Variants in PPFIBP1 observed in about 807,000 individuals in gnomAD.
PPFIBP1 encodes liprin-beta-1.
Under a neutral mutation model 137.8 loss-of-function variants are expected in PPFIBP1, and 112 were observed. The ratio of observed to expected loss-of-function variants is 0.81; its 90% CI spans 0.70 to 0.95. The LOEUF (loss-of-function observed/expected upper bound fraction) is 0.95, where lower values mean the gene tolerates loss of function less well. Among genes scored for constraint, PPFIBP1 ranks in the 40% least tolerant of loss-of-function variants. The pLI is 0.00. For synonymous variants in PPFIBP1, 378 were observed against 417.3 expected, an observed-to-expected ratio of 0.91 and a Z score of 1.15; for missense variants, 1,083 against 1,196.6, an observed-to-expected ratio of 0.91 and a Z score of 1.40.
At chr12:27,689,282 C>T in intron 27 of PPFIBP1, 79 bp downstream of exon 27, 8 of 1,385,628 alleles carry the variant, frequency 5.8e-6, no homozygotes, top group Non-Finnish European at 7.7e-6. Context: ...ATTCTGTTTT[C>T]TGGGGTTTAC....
chr12:27,551,332 G>A (rs536702201), intron 1 of PPFIBP1, among the ~76,000 whole-genome samples: 3 of 152,224 alleles, frequency 2.0e-5, no homozygotes, highest in African/African-American at 4.8e-5. Flanking sequence ...GCAGGCCACC[G>A]TGCTGCTAAA....
chr12:27,575,749 AT>A (rs1449796290), intron 1 of PPFIBP1, among the ~76,000 whole-genome samples: 1 of 151,968 alleles, frequency 6.6e-6, no homozygotes, highest in African/African-American at 2.4e-5. Context: ...ATGGGTTTGG[AT>A]TTTTTTATGG....
At chr12:27,649,763 C>T (rs1243331038) in intron 6 of PPFIBP1, among the ~76,000 whole-genome samples, 2 of 152,148 alleles carry the variant, frequency 1.3e-5, no homozygotes, top group Non-Finnish European at 2.9e-5. Flanking sequence ...ACTGTCCAGG[C>T]TGGTTCTCAA....
In PPFIBP1 at chr12:27,685,217, G is replaced by GTA. The variant is rs113468240; in HGVS notation, c.2248-2155_2248-2154dup. Among the ~76,000 whole-genome samples the GTA allele has an allele frequency of 3.0e-3, 444 of 149,896 alleles. 2 individuals are homozygous for GTA. Among genetic ancestry groups the GTA allele is most frequent in the African/African-American group, 8.6e-3 (351 of 40,942 alleles). On this transcript the variant is annotated intron_variant, in intron 24 of 29. Coordinates refer to ENST00000228425, the MANE Select transcript of PPFIBP1 (RefSeq NM_003622.4). ...GTAATACTGTAGATACATAGAGTAT[G>GTA]TATATATATATATACACACACATAC...
intron 7 of PPFIBP1, among the ~76,000 whole-genome samples, chr12:27,653,337 A>G (rs889086421): frequency 3.9e-5 from 6 of 152,056 alleles, no homozygotes; most frequent in African/African-American, 1.4e-4. Flanking sequence ...TGTAATCCCA[A>G]CACTTAGGGA....
intron 2 of PPFIBP1, among the ~76,000 whole-genome samples, chr12:27,606,551 A>G (rs1386451897): frequency 6.6e-6 from 1 of 152,258 alleles, no homozygotes; most frequent in African/African-American, 2.4e-5. Flanking sequence ...TTAACAACTT[A>G]CAAATGAATA....
chr12:27,634,849 G>C, intron 3 of PPFIBP1, 61 bp from the exon 4 acceptor site: 3 of 1,448,574 alleles, frequency 2.1e-6, no homozygotes, highest in Non-Finnish European at 2.9e-6. Context: ...ACCGCCTTCG[G>C]CTTTGGTATT....
intron 1 of PPFIBP1, among the ~76,000 whole-genome samples, chr12:27,568,936 C>A (rs996688182): frequency 6.6e-6 from 1 of 152,152 alleles, no homozygotes; most frequent in African/African-American, 2.4e-5. Context: ...TATTTTATGT[C>A]TTCTGAATTC....
At chr12:27,684,066 C>T (rs1442422564) in intron 24 of PPFIBP1, among the ~76,000 whole-genome samples, 3 of 151,916 alleles carry the variant, frequency 2.0e-5, no homozygotes, top group Non-Finnish European at 4.4e-5. Context: ...GGATTACAGG[C>T]GTGAGCCACC....
rs1192167670 is a variant in PPFIBP1 at position 27,542,034 on chromosome 12, C to T, written c.-124+17669C>T. On this transcript the variant is annotated intron_variant, in intron 1 of 29. Transcript: ENST00000228425. Reference sequence around the variant, plus strand: ...CTTTGTTACTTACCCATCCTGAACCCTGGTTTTCTCATCTGTGAAATGGAA... The same window carrying T: ...CTTTGTTACTTACCCATCCTGAACCTTGGTTTTCTCATCTGTGAAATGGAA... Among the ~76,000 whole-genome samples, 3 of 152,110 alleles carry T rather than the reference C, an allele frequency of 2.0e-5. No homozygotes were observed. The East Asian group carries it at 5.8e-4, about 29-fold the overall frequency.
rs966198297 is a variant in PPFIBP1, at chr12:27,635,308, G to T, written c.270+193G>T. 4.4e-5 allele frequency: 27 copies of T among 620,584 alleles called. No individual in the cohort carries two copies. The African/African-American group carries it at 4.4e-4, about 10-fold the overall frequency. 38.4% of individuals were successfully genotyped at this position (620,584 alleles called of 1,614,324 possible). A position where few individuals can be genotyped will look rare whatever the true frequency, so the allele number is the denominator to read the frequency against. The stretch of plus-strand genomic sequence containing the variant: ...AAAAAGTGCTATTAGTGTACATTTT[G>T]TAAATACCAACAACAGGTCACCTGA... On this transcript the variant is annotated intron_variant, in intron 4 of 29. Coordinates refer to ENST00000228425, the MANE Select transcript of PPFIBP1 (RefSeq NM_003622.4).
chr12:27,526,443 A>G (rs1046124130), intron 1 of PPFIBP1, among the ~76,000 whole-genome samples: 1 of 151,946 alleles, frequency 6.6e-6, no homozygotes, highest in Admixed American at 6.6e-5. Flanking sequence ...GAAAACACGG[A>G]ATACTTAAAA....
At chr12:27,639,291 A>T (rs921656349) in intron 4 of PPFIBP1, among the ~76,000 whole-genome samples, 10 of 152,388 alleles carry the variant, frequency 6.6e-5, no homozygotes, top group African/African-American at 2.4e-4. Context: ...TATGAAATAT[A>T]ATGTGTTAAC....
At chr12:27,603,259 CT>C (rs2054182986) in intron 2 of PPFIBP1, among the ~76,000 whole-genome samples, 1 of 152,146 alleles carries the variant, frequency 6.6e-6, no homozygotes, top group Non-Finnish European at 1.5e-5. Flanking sequence ...TTTAACCTGG[CT>C]TTGCTGCATC....
At chr12:27,652,506 T>C (rs564623053) in intron 7 of PPFIBP1, among the ~76,000 whole-genome samples, 12 of 152,378 alleles carry the variant, frequency 7.9e-5, no homozygotes, top group African/African-American at 2.4e-4. Context: ...ATTCTGTTTT[T>C]TAAAGTTTTA....
chr12:27,635,839 A>G (rs1404310461), intron 4 of PPFIBP1: 1 of 152,244 alleles, frequency 6.6e-6, no homozygotes, highest in East Asian at 1.9e-4. Context: ...TTGTCTGGGC[A>G]CGGTTGGAAA....
At chr12:27,667,396 A>G in intron 13 of PPFIBP1, 76 bp downstream of exon 13, 17 of 1,242,148 alleles carry the variant, frequency 1.4e-5, no homozygotes, top group Non-Finnish European at 1.8e-5. Flanking sequence ...TGCTCATAAC[A>G]TGAAAAACAT....
At position 27,681,643 on chromosome 12, in the gene PPFIBP1, T is replaced by G; in HGVS notation, c.1993T>G (p.Trp665Gly). ...CTCGTACCTGAATTCTGGCAAGCAC[T>G]GGATTGCATCTGGCCAAACGCTTTT... ...LGSYLNSGKH[W>G]IASGQTLLQA... The change falls in exon 22 of 30, where the codon TGG becomes GGG. Residue 665 changes from tryptophan (W) to glycine (G), a missense_variant. Physicochemically the swap from Trp to Gly is radical, Grantham distance 184 (BLOSUM62 -2). Transcript: ENST00000228425. 6.2e-7 allele frequency: 1 copy of G among 1,614,216 alleles called. No homozygotes were observed. Among genetic ancestry groups the G allele is most frequent in the South Asian group, 1.1e-5 (1 of 91,088 alleles).
chr12:27,670,787 A>AT lies in PPFIBP1; in HGVS notation c.1147-644_1147-643insT, dbSNP rs778631518. 5.0e-3 allele frequency among the ~76,000 whole-genome samples: 650 copies of AT among 131,212 alleles called. 3 individuals are homozygous for AT. The highest frequency in any genetic ancestry group is 5.9e-3 in the South Asian group (24 of 4,078). The allele number at this position is 131,212 out of a possible 152,430, so 86.1% of individuals were successfully genotyped here. On this transcript the variant is annotated intron_variant, in intron 13 of 29. Coordinates refer to ENST00000228425, the MANE Select transcript of PPFIBP1 (RefSeq NM_003622.4). ...AAGTGAGACCCTGTCTCAAAAAAAAAAAAAAAAAATAATAATAATAATAAT... is the reference window on the plus strand; with the variant it reads ...AAGTGAGACCCTGTCTCAAAAAAAAATAAAAAAAAATAATAATAATAATAAT...
Sources: allele counts gnomAD v4.1 joint callset (sites outside exome capture counted in the v4.1 genomes callset), GRCh38; gene constraint gnomAD v4.1.1; transcripts MANE v1.5; gene names NCBI Gene and HGNC (gene_info 2026-07-23, HGNC 2026-07-21).